The following LARGE1 variants were observed in gnomAD, a reference collection of about 807,000 sequenced individuals.
The protein encoded by LARGE1 is LARGE xylosyl- and glucuronyltransferase 1.
In LARGE1, 43 loss-of-function variants were observed where a neutral mutation model predicts 87.6. The ratio of observed to expected loss-of-function variants is 0.49; its 90% confidence interval spans 0.38 to 0.63. LARGE1 has a LOEUF of 0.63. LARGE1 is among the 30% of genes least tolerant of loss of function. The probability of loss-of-function intolerance (pLI) is 0.00; values close to 1 mark genes in which losing one functional copy is unlikely to be tolerated. For missense variants in LARGE1, 802 were observed against 1,000.2 expected, an observed-to-expected ratio of 0.80 and a Z score of 2.67; for synonymous variants, 434 against 394.6, an observed-to-expected ratio of 1.10 and a Z score of -1.18.
chr22:33,906,147 T>C (rs1031855954), intron 1 of LARGE1, among the ~76,000 whole-genome samples: 3 of 151,638 alleles, frequency 2.0e-5, no homozygotes, highest in African/African-American at 7.3e-5. Flanking sequence ...AATAAATTGA[T>C]TAATTAAATA....
chr22:33,552,309 C>T (rs372595152), intron 6 of LARGE1, among the ~76,000 whole-genome samples: 1 of 151,998 alleles, frequency 6.6e-6, no homozygotes, highest in East Asian at 1.9e-4. Context: ...GTTTTTGTAC[C>T]ACAACTCTGT....
chr22:33,598,470 C>G (rs2079035274), intron 5 of LARGE1, among the ~76,000 whole-genome samples: 1 of 152,084 alleles, frequency 6.6e-6, no homozygotes, highest in South Asian at 2.1e-4. Context: ...GTTTACTGCA[C>G]CCATCAACCC....
At chr22:33,904,429 C>T (rs2065375937) in intron 1 of LARGE1, among the ~76,000 whole-genome samples, 1 of 152,200 alleles carries the variant, frequency 6.6e-6, no homozygotes, top group African/African-American at 2.4e-5. Context: ...GCTAGGATTA[C>T]AGGTATGAGC....
At chr22:33,588,840 AAC>A (rs1037474964) in intron 5 of LARGE1, among the ~76,000 whole-genome samples, 1 of 152,170 alleles carries the variant, frequency 6.6e-6, no homozygotes. Context: ...AGGAACAGAA[AAC>A]ACACTGATTT....
chr22:33,482,854 C>A (rs1233100521), intron 6 of LARGE1, among the ~76,000 whole-genome samples: 1 of 152,178 alleles, frequency 6.6e-6, no homozygotes, highest in African/African-American at 2.4e-5. Context: ...GGAAAGCTGG[C>A]TCCATAGTTC....
rs145277238 is a variant in LARGE1, at chr22:33,698,005, G to A, written c.107-47337C>T. ...TTCTTAAAAGACTCAACTCACCGCA[G>A]TAAACAGAGAAGGATGTAATCTGCA... On this transcript the variant is annotated intron_variant, in intron 2 of 14. Coordinates refer to ENST00000397394, the MANE Select transcript of LARGE1 (RefSeq NM_133642.5). Among the ~76,000 whole-genome samples, 107 of 152,322 alleles carry A rather than the reference G, an allele frequency of 7.0e-4. 1 individual carries two copies. The highest frequency in any genetic ancestry group is 2.4e-3 in the African/African-American group (98 of 41,572).
chr22:33,910,694 A>C (rs774369796), intron 1 of LARGE1, among the ~76,000 whole-genome samples: 4 of 152,210 alleles, frequency 2.6e-5, no homozygotes, highest in Non-Finnish European at 5.9e-5. Context: ...AACCCCACAA[A>C]GAGACAGTGT....
At chr22:33,205,426 T>A (rs1330708712) in intron 11 of LARGE1, among the ~76,000 whole-genome samples, 3 of 152,236 alleles carry the variant, frequency 2.0e-5, no homozygotes, top group Non-Finnish European at 4.4e-5. Flanking sequence ...AAAAGGTCTC[T>A]GTTCTTTTGA....
At chr22:33,432,117 A>G in intron 7 of LARGE1, 44 bp downstream of exon 7, 2 of 1,493,088 alleles carry the variant, frequency 1.3e-6, no homozygotes, top group South Asian at 1.1e-5. Flanking sequence ...CTGGGTCCTC[A>G]TATCACCTTC....
intron 1 of LARGE1, among the ~76,000 whole-genome samples, chr22:33,919,348 T>G (rs1425666368): frequency 1.3e-5 from 2 of 152,206 alleles, no homozygotes; most frequent in Non-Finnish European, 2.9e-5. Flanking sequence ...ACACAAACTT[T>G]GGAGTCCTCA....
intron 11 of LARGE1, among the ~76,000 whole-genome samples, chr22:33,257,565 C>G (rs1927379501): frequency 6.6e-6 from 1 of 152,160 alleles, no homozygotes. Context: ...AAGTAGACCT[C>G]CCTAGGAGAT....
intron 11 of LARGE1, among the ~76,000 whole-genome samples, chr22:33,180,388 CA>C (rs2146163400): frequency 6.6e-6 from 1 of 152,282 alleles, no homozygotes; most frequent in East Asian, 1.9e-4. Flanking sequence ...CTTAGGCCCA[CA>C]AGAATGGTTA....
At chr22:33,671,999 A>G (rs1184808804) in intron 2 of LARGE1, among the ~76,000 whole-genome samples, 1 of 152,226 alleles carries the variant, frequency 6.6e-6, no homozygotes, top group Non-Finnish European at 1.5e-5. Flanking sequence ...TTCTTACCAC[A>G]CATAAAAAAT....
At chr22:33,663,841 A>G (rs1184156215) in intron 2 of LARGE1, among the ~76,000 whole-genome samples, 2 of 152,222 alleles carry the variant, frequency 1.3e-5, no homozygotes, top group Admixed American at 6.5e-5. Flanking sequence ...CAGGGCTGGC[A>G]GTTGGAATAA....
intron 5 of LARGE1, 113 bp downstream of exon 5, chr22:33,604,322 C>T: frequency 7.1e-7 from 1 of 1,402,974 alleles, no homozygotes; most frequent in Non-Finnish European, 1.0e-6. Context: ...TTACGCCCTA[C>T]ACATTTTCAG....
At chr22:33,706,249 A>C (rs1187486149) in intron 2 of LARGE1, among the ~76,000 whole-genome samples, 2 of 152,186 alleles carry the variant, frequency 1.3e-5, no homozygotes, top group Non-Finnish European at 2.9e-5. Flanking sequence ...GCTGCTTCCC[A>C]TTATAGCAAA....
the LARGE1 span, among the ~76,000 whole-genome samples, chr22:33,147,170 G>T: frequency 6.6e-6 from 1 of 152,104 alleles, no homozygotes; most frequent in East Asian, 1.9e-4. Flanking sequence ...CATTTGAATG[G>T]CTTCCAGGGA....
chr22:33,313,109 T>C (rs1314941628), intron 11 of LARGE1, among the ~76,000 whole-genome samples: 2 of 152,156 alleles, frequency 1.3e-5, no homozygotes, highest in African/African-American at 2.4e-5. Flanking sequence ...AGCCCTTGCC[T>C]ACCTGGCCAT....
rs201533383 is a variant in LARGE1, at chr22:33,761,509, C to T, written c.-33G>A. On this transcript the variant is annotated 5_prime_UTR_variant, in exon 2 of 15. Coordinates refer to ENST00000397394, the MANE Select transcript of LARGE1 (RefSeq NM_133642.5). Reference sequence around the variant, plus strand: ...GAAGTGGCAATCCCTAATCCCAGCGCCGTTTCTCTGTCCGGAGCATGAAGT... The same window carrying T: ...GAAGTGGCAATCCCTAATCCCAGCGTCGTTTCTCTGTCCGGAGCATGAAGT... 8 of 1,551,488 alleles carry T rather than the reference C, an allele frequency of 5.2e-6. No individual in the cohort carries two copies. The East Asian group carries it at 9.0e-5, about 17-fold the overall frequency.
Sources: gnomAD v4.1 joint callset for allele counts (sites outside exome capture counted in the v4.1 genomes callset) on GRCh38, gnomAD v4.1.1 for gene constraint, MANE v1.5 for transcripts, NCBI Gene and HGNC (gene_info 2026-07-23, HGNC 2026-07-21) for gene names.